The following LHX9 variants were observed in gnomAD, a reference collection of about 807,000 sequenced individuals.
LHX9 encodes the protein LIM/homeobox protein Lhx9.
LHX9 carries 9 observed loss-of-function variants against 36.5 expected under a neutral mutation model. The observed-to-expected ratio is 0.25, with a 90% CI of 0.15 to 0.43. LHX9 has a LOEUF of 0.43. Ranked by LOEUF, LHX9 falls within the 20% of genes least tolerant of loss-of-function variation. LHX9 has a pLI of 1.00. For missense variants in LHX9, 464 were observed against 526.4 expected, an observed-to-expected ratio of 0.88 and a Z score of 1.16; for synonymous variants, 211 against 212.1, an observed-to-expected ratio of 0.99 and a Z score of 0.04.
chr1:197,927,652 G>C lies in LHX9; in HGVS notation c.795G>C (p.Gln265His). The C allele has an allele frequency of 6.2e-7, 1 of 1,614,180 alleles. No homozygotes were observed. Residue 265 changes from glutamine to histidine, a missense_variant, in exon 4 of 5, where the codon CAG becomes CAC. Coordinates refer to ENST00000367387, the MANE Select transcript of LHX9 (RefSeq NM_020204.3). The part of the protein sequence containing the change: ...DRDQQPYPPS[Q>H]KTKRMRTSFK... ...ACCAGCAGCCTTATCCACCCTCGCA[G>C]AAGACCAAGCGCATGCGAACCTCTT...
chr1:197,912,492 A>C (rs1226875291), upstream of LHX9: 5 of 1,613,144 alleles, frequency 3.1e-6, no homozygotes, highest in Non-Finnish European at 3.4e-6. Flanking sequence ...CTGCCAGTGC[A>C]ACCACCATTA....
intron 1 of LHX9, chr1:197,918,392 C>A: frequency 1.4e-6 from 1 of 717,180 alleles, no homozygotes; most frequent in Non-Finnish European, 2.6e-6. Context: ...GCTGCCGAGG[C>A]GTCCGAGCCA....
At position 197,927,660 on chromosome 1, in the gene LHX9, A is replaced by C. The variant is rs1202958300; in HGVS notation, c.803A>C (p.Lys268Thr). The change falls in exon 4 of 5, where the codon AAG (lysine) becomes ACG (threonine). Residue 268 changes from lysine (K) to threonine (T), a missense_variant. By Grantham distance (78) the Lys-to-Thr change is moderately conservative. Around this residue, in one of 5 missense-constraint regions of LHX9, gnomAD observed 130 missense variants for 109.6 expected, o/e 1.19. Transcript: ENST00000367387. ...CCTTATCCACCCTCGCAGAAGACCA[A>C]GCGCATGCGAACCTCTTTCAAGCAT... ...QQPYPPSQKT[K>T]RMRTSFKHHQ... 1 of 1,614,156 alleles carries C rather than the reference A, an allele frequency of 6.2e-7. No individual in the cohort carries two copies. The highest frequency in any genetic ancestry group is 1.1e-5 in the South Asian group (1 of 91,074).
chr1:197,913,601 G>C (rs1659675334), upstream of LHX9, among the ~76,000 whole-genome samples: 2 of 152,320 alleles, frequency 1.3e-5, no homozygotes, highest in Admixed American at 6.5e-5. Context: ...ATCCAGCGCA[G>C]CCCGGGCATC....
At chr1:197,928,517 T>C (rs1004076329) in intron 4 of LHX9, among the ~76,000 whole-genome samples, 4 of 152,320 alleles carry the variant, frequency 2.6e-5, no homozygotes, top group African/African-American at 4.8e-5. Flanking sequence ...GTTTTTTCTA[T>C]GTGAAGAATA....
intron 3 of LHX9, among the ~76,000 whole-genome samples, chr1:197,927,366 A>G (rs1315059741): frequency 1.3e-5 from 2 of 152,232 alleles, no homozygotes; most frequent in South Asian, 4.1e-4. Flanking sequence ...GATTTAACCA[A>G]TATTTTTCTA....
rs1659980100 is a variant in LHX9, at chr1:197,921,419, A to G, written c.493A>G (p.Asn165Asp). 3 of 1,614,024 alleles carry G rather than the reference A, an allele frequency of 1.9e-6. No homozygotes were observed. Among genetic ancestry groups the G allele is most frequent in the Non-Finnish European group, 2.5e-6 (3 of 1,180,040 alleles). The change falls in exon 3 of 5, where the codon AAC becomes GAC. Residue 165 changes from asparagine to aspartate, a missense_variant. Around this residue, in one of 5 missense-constraint regions of LHX9, gnomAD observed 93 missense variants for 150.3 expected, o/e 0.62. Coordinates refer to ENST00000367387, the MANE Select transcript of LHX9 (RefSeq NM_020204.3). This position sits in a 1 kb window ranked among gnomAD's most constrained non-coding sequence, Gnocchi z 4.6. ...HLSCFTCSTC[N>D]KTLTTGDHFG... ...GAGCTGCTTCACCTGCTCCACTTGC[A>G]ACAAGACTCTGACCACGGGCGACCA...
chr1:197,918,525 A>T, intron 1 of LHX9: 1 of 615,456 alleles, frequency 1.6e-6, no homozygotes, highest in South Asian at 1.9e-5. Context: ...TAACCGAGAG[A>T]ATCTCAGGGT....
In LHX9 at chr1:197,919,883, C is replaced by A. The variant is rs935407148; in HGVS notation, c.175-89C>A. On this transcript the variant is annotated intron_variant, in intron 1 of 4. Coordinates refer to ENST00000367387, the MANE Select transcript of LHX9 (RefSeq NM_020204.3). ...TGGCCCCTGCCGCTCTCCCTGCACA[C>A]CCTGGGCTTGGTCTGCCTGGGGGAG... 7.9e-6 allele frequency: 11 copies of A among 1,383,650 alleles called. No individual in the cohort carries two copies. In the East Asian group the frequency reaches 2.5e-4, roughly 32 times the overall value. The allele number at this position is 1,383,650 out of a possible 1,614,324, so 85.7% of individuals were successfully genotyped here. A position where few individuals can be genotyped will look rare whatever the true frequency, so the allele number is the denominator to read the frequency against.
chr1:197,919,977 G>T lies in LHX9; in HGVS notation c.180G>T (p.Met60Ile), dbSNP rs1277526829. ...GCGGTGTGCTTTCTTTGCAGGGCATGCCCCCGCTCAGCCCGGAGAAGCCCG... is the reference window on the plus strand; with the variant it reads ...GCGGTGTGCTTTCTTTGCAGGGCATTCCCCCGCTCAGCCCGGAGAAGCCCG... ...GAQLNGRDAG[M>I]PPLSPEKPAL... Residue 60 changes from methionine to isoleucine, a missense_variant, in exon 2 of 5, where the codon ATG (methionine) becomes ATT (isoleucine). Around this residue, in one of 5 missense-constraint regions of LHX9, gnomAD observed 119 missense variants for 102.4 expected, o/e 1.16. Coordinates refer to ENST00000367387, the MANE Select transcript of LHX9 (RefSeq NM_020204.3). 6.2e-7 allele frequency: 1 copy of T among 1,613,876 alleles called. No individual in the cohort carries two copies. Among genetic ancestry groups the T allele is most frequent in the Admixed American group, 1.7e-5 (1 of 60,006 alleles).
upstream of LHX9, chr1:197,916,699 C>T (rs1433892066): frequency 2.8e-6 from 2 of 702,904 alleles, no homozygotes; most frequent in South Asian, 1.5e-5. Flanking sequence ...TCCAAACGCC[C>T]TCTCCACTTC....
rs1469400663 is a variant in LHX9 at position 197,932,265 on chromosome 1, T to G, written c.*3006T>G. 2.9e-5 allele frequency: 8 copies of G among 278,768 alleles called. No individual in the cohort carries two copies. In the East Asian group the frequency reaches 4.7e-4, roughly 16 times the overall value. 17.3% of individuals were successfully genotyped at this position (278,768 alleles called of 1,614,324 possible). On this transcript the variant is annotated 3_prime_UTR_variant, in exon 5 of 5. Transcript: ENST00000367387. The stretch of plus-strand genomic sequence containing the variant: ...ACCCCATATTTGAAAAAAATTATTA[T>G]TGAAAAAAATTTCACACATTTGTCA...
In LHX9 at chr1:197,934,826, G is replaced by T. The variant is rs1272732351; in HGVS notation, c.*5567G>T. ...GTTGATTTTAAACATTTTAATAATA[G>T]TGCTCTGCCCTCACAACAGTTTTTT... On this transcript the variant is annotated 3_prime_UTR_variant, in exon 5 of 5. Transcript: ENST00000367387. The T allele has an allele frequency of 6.6e-6, 1 of 151,564 alleles. No homozygotes were observed. The highest frequency in any genetic ancestry group is 1.5e-5 in the Non-Finnish European group (1 of 67,886). The allele number at this position is 151,564 out of a possible 1,614,324, so 9.4% of individuals were successfully genotyped here. A position where few individuals can be genotyped will look rare whatever the true frequency, so the allele number is the denominator to read the frequency against.
At chr1:197,912,637 G>A, upstream of LHX9, 1 of 1,424,946 alleles carries the variant, frequency 7.0e-7, no homozygotes. Flanking sequence ...GTGTGTGCGT[G>A]TGTGTGCGCC....
rs1386537924 is a variant in LHX9 at position 197,929,485 on chromosome 1, T to C, written c.*226T>C. 1 of 1,020,032 alleles carries C rather than the reference T, an allele frequency of 9.8e-7. No homozygotes were observed. Among genetic ancestry groups the C allele is most frequent in the Non-Finnish European group, 1.2e-6 (1 of 847,534 alleles). The allele number at this position is 1,020,032 out of a possible 1,614,324, so 63.2% of individuals were successfully genotyped here. ...ATTTTGTCTACAAAGTGTATTTGGA[T>C]TTAAAAAAATTAATTAGGTCTTTCA... is the stretch of plus-strand genomic sequence containing the variant. On this transcript the variant is annotated 3_prime_UTR_variant, in exon 5 of 5. Transcript: ENST00000367387.
At chr1:197,920,869 C>T (rs1483620867) in intron 2 of LHX9, among the ~76,000 whole-genome samples, 1 of 152,174 alleles carries the variant, frequency 6.6e-6, no homozygotes, top group East Asian at 1.9e-4. Flanking sequence ...TCGTCATCTT[C>T]CAGGACTGTG....
In LHX9 at chr1:197,918,459, A is replaced by G; in HGVS notation, c.174+462A>G. On this transcript the variant is annotated intron_variant, in intron 1 of 4. Transcript: ENST00000367387. ...CCTGATGACCGGACCTGTGGAGTAG[A>G]TTCCGACGCGACTGGGTCATTTCCA... 3 of 701,430 alleles carry G rather than the reference A, an allele frequency of 4.3e-6. No homozygotes were observed. In the South Asian group the frequency reaches 4.5e-5, roughly 11 times the overall value. 43.5% of individuals were successfully genotyped at this position (701,430 alleles called of 1,614,324 possible).
In LHX9 at chr1:197,921,802, AGGAAGGGAGAGAGGGAGGAGGAGGGG is replaced by A. The variant is rs1303587376; in HGVS notation, c.733+153_733+178del. The A allele has an allele frequency of 2.8e-6, 2 of 710,358 alleles. No homozygotes were observed. Among genetic ancestry groups the A allele is most frequent in the Admixed American group, 3.0e-5 (1 of 33,602 alleles). 44.0% of individuals were successfully genotyped at this position (710,358 alleles called of 1,614,324 possible). A position where few individuals can be genotyped will look rare whatever the true frequency, so the allele number is the denominator to read the frequency against. On this transcript the variant is annotated intron_variant, in intron 3 of 4. Coordinates refer to ENST00000367387, the MANE Select transcript of LHX9 (RefSeq NM_020204.3). This position sits in a 1 kb window ranked among gnomAD's most constrained non-coding sequence, Gnocchi z 4.6. ...TCACTGCAACTCCCTCTCACTCTGA[AGGAAGGGAGAGAGGGAGGAGGAGGGG>A]GGAAGGGAGGGAGAGGCAGCACTTT...
In LHX9 at chr1:197,932,251, G is replaced by A. The variant is rs535493701; in HGVS notation, c.*2992G>A. ...GCAGTAATATGCCCACCCCATATTT[G>A]AAAAAAATTATTATTGAAAAAAATT... On this transcript the variant is annotated 3_prime_UTR_variant, in exon 5 of 5. Coordinates refer to ENST00000367387, the MANE Select transcript of LHX9 (RefSeq NM_020204.3). 2 of 304,118 alleles carry A rather than the reference G, an allele frequency of 6.6e-6. No individual in the cohort carries two copies. Among genetic ancestry groups the A allele is most frequent in the South Asian group, 2.7e-4 (2 of 7,488 alleles). The allele number at this position is 304,118 out of a possible 1,614,324, so 18.8% of individuals were successfully genotyped here.
Sources: gnomAD v4.1 joint callset for allele counts (sites outside exome capture counted in the v4.1 genomes callset) on GRCh38, gnomAD v4.1.1 for gene constraint, gnomAD v4.1.1 regional missense constraint, Gnocchi (gnomAD v3.1) non-coding constraint, MANE v1.5 for transcripts, NCBI Gene and HGNC (gene_info 2026-07-23, HGNC 2026-07-21) for gene names.